The following LRMDA variants were observed in gnomAD, a reference collection of about 807,000 sequenced individuals.
LRMDA encodes the protein leucine rich melanocyte differentiation associated.
LRMDA carries 18 observed loss-of-function variants against 29.8 expected under a neutral mutation model. That is an observed-to-expected ratio of 0.60 (90% confidence interval 0.42 to 0.90). The LOEUF (loss-of-function observed/expected upper bound fraction) is 0.90. LRMDA is among the 40% of genes least tolerant of loss of function. The probability of loss-of-function intolerance (pLI) is 0.00; values close to 1 mark genes in which losing one functional copy is unlikely to be tolerated. For synonymous variants in LRMDA, 125 were observed against 109.4 expected, an observed-to-expected ratio of 1.14 and a Z score of -0.89; for missense variants, 273 against 273.9, an observed-to-expected ratio of 1.00 and a Z score of 0.02.
intron 2 of LRMDA, among the ~76,000 whole-genome samples, chr10:75,792,257 G>GTGTTTGTT (rs71024564): frequency 0.37 from 54,741 of 148,282 alleles, 11,754 homozygotes; most frequent in Non-Finnish European, 0.48. Context: ...TGAGGTACTG[G>GTGTTTGTT]TGTTTGTTTG....
At chr10:75,913,911 C>T (rs758323426) in intron 2 of LRMDA, among the ~76,000 whole-genome samples, 12 of 152,314 alleles carry the variant, frequency 7.9e-5, no homozygotes, top group Non-Finnish European at 1.3e-4. Context: ...TGAGCTTATC[C>T]TCCAAAAGGC....
At chr10:75,979,874 G>GA (rs1237998485) in intron 2 of LRMDA, among the ~76,000 whole-genome samples, 2 of 152,188 alleles carry the variant, frequency 1.3e-5, no homozygotes, top group Non-Finnish European at 2.9e-5. Flanking sequence ...ACTAATCTAT[G>GA]AAAATGGACA....
At chr10:76,300,410 A>G (rs1840465693) in intron 5 of LRMDA, among the ~76,000 whole-genome samples, 2 of 152,216 alleles carry the variant, frequency 1.3e-5, no homozygotes, top group African/African-American at 2.4e-5. Context: ...TCCATTGATC[A>G]TGGTAGGAAA....
At chr10:76,027,685 A>T (rs1158311705) in intron 2 of LRMDA, among the ~76,000 whole-genome samples, 1 of 152,214 alleles carries the variant, frequency 6.6e-6, no homozygotes, top group East Asian at 1.9e-4. Flanking sequence ...ATGGAAGAAA[A>T]TGCCCAGAAA....
At chr10:75,562,513 C>A (rs1330037659) in intron 2 of LRMDA, among the ~76,000 whole-genome samples, 3 of 152,178 alleles carry the variant, frequency 2.0e-5, no homozygotes, top group East Asian at 3.9e-4. Flanking sequence ...TTAATTGGAG[C>A]ATTTAGTCCA....
chr10:75,492,227 A>T (rs1844997053), intron 2 of LRMDA, among the ~76,000 whole-genome samples: 1 of 152,114 alleles, frequency 6.6e-6, no homozygotes, highest in South Asian at 2.1e-4. Context: ...TTAATAGGGG[A>T]TGAATTCACA....
Position 75,694,727 on chromosome 10 carries a change from G to A in LRMDA, c.131+256233G>A, listed in dbSNP as rs752304182. Reference sequence around the variant, plus strand: ...TGTGTAGTAAGAGGAGCAGTGTGGCGTTTTCTGAAATATCGGCTGTATATG... The same window carrying A: ...TGTGTAGTAAGAGGAGCAGTGTGGCATTTTCTGAAATATCGGCTGTATATG... On this transcript the variant is annotated intron_variant, in intron 2 of 6. Coordinates refer to ENST00000611255, the MANE Select transcript of LRMDA (RefSeq NM_001305581.2). Among the ~76,000 whole-genome samples, 25 of 152,044 alleles carry A rather than the reference G, an allele frequency of 1.6e-4. No homozygotes were observed. In the South Asian group the frequency reaches 1.7e-3, roughly 10 times the overall value.
chr10:75,914,217 T>C (rs1845892943), intron 2 of LRMDA, among the ~76,000 whole-genome samples: 1 of 152,090 alleles, frequency 6.6e-6, no homozygotes, highest in Non-Finnish European at 1.5e-5. Context: ...GGAGAGAAAA[T>C]TGTAGCTGGC....
intron 6 of LRMDA, among the ~76,000 whole-genome samples, chr10:76,487,486 T>A (rs762091171): frequency 5.3e-5 from 8 of 151,756 alleles, no homozygotes; most frequent in Non-Finnish European, 1.5e-5. Flanking sequence ...TTTGGATGCA[T>A]GTGAGAATGA....
chr10:76,440,731 T>G (rs973745320), intron 6 of LRMDA, among the ~76,000 whole-genome samples: 4 of 152,166 alleles, frequency 2.6e-5, no homozygotes, highest in Non-Finnish European at 5.9e-5. Flanking sequence ...AGATGGATAT[T>G]AGACTGCTCA....
At chr10:75,444,342 C>T (rs977261577) in intron 2 of LRMDA, among the ~76,000 whole-genome samples, 6 of 152,088 alleles carry the variant, frequency 3.9e-5, no homozygotes, top group African/African-American at 7.2e-5. Context: ...TACCCTGTCA[C>T]GTTAGAAATT....
chr10:76,489,798 T>C (rs995315008), intron 6 of LRMDA, among the ~76,000 whole-genome samples: 3 of 151,728 alleles, frequency 2.0e-5, no homozygotes, highest in African/African-American at 4.8e-5. Flanking sequence ...AAGAATGTAC[T>C]CATGTAAACA....
chr10:75,438,399 C>T lies in LRMDA; in HGVS notation c.36C>T (p.Ser12=), dbSNP rs1289606435. ...CTGTTCCATTTAATTTCCAGGTGTC[C>T]TACATAGGCCAGGACTGCAGAGAAA... The part of the protein sequence containing the change: ...AGLVVRGTQV[S]YIGQDCREIP... The change falls in exon 2 of 7, where the codon TCC becomes TCT. Residue 12 remains serine (S), a synonymous_variant. Transcript: ENST00000611255. 10 of 1,550,650 alleles carry T rather than the reference C, an allele frequency of 6.4e-6. No homozygotes were observed. The highest frequency in any genetic ancestry group is 8.7e-6 in the Non-Finnish European group (10 of 1,146,818).
chr10:76,194,822 C>G (rs565585316), intron 5 of LRMDA, among the ~76,000 whole-genome samples: 2 of 152,312 alleles, frequency 1.3e-5, no homozygotes, highest in South Asian at 4.1e-4. Context: ...AATACTCTAT[C>G]AAACAAAGTC....
chr10:75,814,256 A>G (rs936910577), intron 2 of LRMDA, among the ~76,000 whole-genome samples: 2 of 152,228 alleles, frequency 1.3e-5, no homozygotes, highest in African/African-American at 4.8e-5. Context: ...GGCATGAGTC[A>G]CTAGCCAGAC....
At chr10:76,336,031 G>C (rs1205092468) in intron 6 of LRMDA, among the ~76,000 whole-genome samples, 1 of 152,088 alleles carries the variant, frequency 6.6e-6, no homozygotes, top group Non-Finnish European at 1.5e-5. Context: ...AGTTGAGGGA[G>C]GCTTAGAATT....
chr10:76,117,235 A>G lies in LRMDA; in HGVS notation c.516+58452A>G, dbSNP rs1589334503. 3.3e-5 allele frequency among the ~76,000 whole-genome samples: 5 copies of G among 152,268 alleles called. 1 individual carries two copies. The South Asian group carries it at 1.0e-3, about 32-fold the overall frequency. On this transcript the variant is annotated intron_variant, in intron 5 of 6. Coordinates refer to ENST00000611255, the MANE Select transcript of LRMDA (RefSeq NM_001305581.2). ...GAAGGAGGGAGAAGGAAGAATGGAG[A>G]TTGTATTGGATTTTACTAAATTGTG...
At chr10:76,386,218 A>C (rs1479005291) in intron 6 of LRMDA, among the ~76,000 whole-genome samples, 2 of 152,226 alleles carry the variant, frequency 1.3e-5, no homozygotes, top group African/African-American at 2.4e-5. Context: ...TATATTTTAT[A>C]TGTCCTTGGC....
At chr10:76,213,076 A>G (rs1322730534) in intron 5 of LRMDA, among the ~76,000 whole-genome samples, 1 of 152,220 alleles carries the variant, frequency 6.6e-6, no homozygotes, top group Admixed American at 6.5e-5. Context: ...TCCCAAATTG[A>G]GCATATGTGA....
Sources: gnomAD v4.1 joint callset for allele counts (sites outside exome capture counted in the v4.1 genomes callset) on GRCh38, gnomAD v4.1.1 for gene constraint, MANE v1.5 for transcripts, NCBI Gene and HGNC (gene_info 2026-07-23, HGNC 2026-07-21) for gene names.